SGSM2: variants seen among roughly 807,000 people sequenced by gnomAD.
SGSM2 encodes RUN and TBC1 domain containing 1.
A neutral mutation model predicts 126.6 loss-of-function variants in SGSM2; 89 were observed. The observed-to-expected ratio is 0.70, with a 90% confidence interval of 0.59 to 0.84. The LOEUF is 0.84. SGSM2 is among the 40% of genes least tolerant of loss of function. SGSM2 has a pLI of 0.00. For synonymous variants in SGSM2, 614 were observed against 574.3 expected, an observed-to-expected ratio of 1.07 and a Z score of -0.99; for missense variants, 1,404 against 1,416.6, an observed-to-expected ratio of 0.99 and a Z score of 0.14.
Position 2,379,268 on chromosome 17 carries a change from C to T in SGSM2, c.3067+65C>T, listed in dbSNP as rs757944474. 206 of 1,588,510 alleles carry T rather than the reference C, an allele frequency of 1.3e-4. No individual in the cohort carries two copies. The Middle Eastern group carries it at 1.5e-3, about 12-fold the overall frequency. ...GGTGTGGAGGCCCCCACCTCTGCCC[C>T]GCACACAGCTGGAGGGTTCTCAGGA... On this transcript the variant is annotated intron_variant, in intron 23 of 23. Transcript: ENST00000268989.
At chr17:2,353,060 A>G (rs2064937750) in intron 2 of SGSM2, among the ~76,000 whole-genome samples, 1 of 151,748 alleles carries the variant, frequency 6.6e-6, no homozygotes, top group African/African-American at 2.4e-5. Context: ...TACAGGCGTG[A>G]GCCACCGCGC....
At position 2,364,114 on chromosome 17, in the gene SGSM2, G is replaced by T. The variant is rs755648233; in HGVS notation, c.863G>T (p.Ser288Ile). The T allele has an allele frequency of 8.7e-6, 14 of 1,613,952 alleles. No individual in the cohort carries two copies. The highest frequency in any genetic ancestry group is 1.3e-5 in the African/African-American group (1 of 74,902). The part of the protein sequence containing the change: ...GYLSLHQSAE[S>I]LTLKWTPNQL... ...CTCTCCCTGCACCAGTCTGCAGAGA[G>T]CCTGACTCTGAAGTGGACCCCCAAC... The change falls in exon 8 of 24, where the codon AGC (serine) becomes ATC (isoleucine). Residue 288 changes from serine to isoleucine, a missense_variant. Ser to Ile is a moderately radical substitution (Grantham distance 142). Transcript: ENST00000268989.
intron 2 of SGSM2, among the ~76,000 whole-genome samples, chr17:2,358,509 G>A (rs2065172387): frequency 6.6e-6 from 1 of 152,146 alleles, no homozygotes; most frequent in African/African-American, 2.4e-5. Context: ...AGGCATTGGA[G>A]ACCAGCCTAG....
At position 2,362,066 on chromosome 17, in the gene SGSM2, C is replaced by T. The variant is rs2151561363; in HGVS notation, c.297-43C>T. The T allele has an allele frequency of 6.3e-7, 1 of 1,586,244 alleles. No homozygotes were observed. ...CCCAATGCCAGCATTCTGGGGTTTA[C>T]CCCTAGACCACTGCACTCCTGGAGC... On this transcript the variant is annotated intron_variant, in intron 3 of 23. Transcript: ENST00000268989. This position sits in a 1 kb window ranked among gnomAD's most constrained non-coding sequence, Gnocchi z 4.9.
intron 12 of SGSM2, among the ~76,000 whole-genome samples, chr17:2,369,493 C>T (rs1428280968): frequency 6.6e-6 from 1 of 152,208 alleles, no homozygotes; most frequent in Non-Finnish European, 1.5e-5. Flanking sequence ...ACCCCCCTCC[C>T]CCCGTCCAGC....
intron 1 of SGSM2, among the ~76,000 whole-genome samples, chr17:2,340,134 G>A (rs62066969): frequency 6.7e-6 from 1 of 149,794 alleles, no homozygotes; most frequent in African/African-American, 2.5e-5. Flanking sequence ...TTTTTTTTTG[G>A]AGACGGAGTC....
chr17:2,354,543 T>C (rs1457635454), intron 2 of SGSM2, among the ~76,000 whole-genome samples: 1 of 152,238 alleles, frequency 6.6e-6, no homozygotes, highest in Non-Finnish European at 1.5e-5. Context: ...TTACTTCACC[T>C]GTCCCCTATT....
Position 2,337,577 on chromosome 17 carries a change from AGCGCGGCGGGCGGGGGCTCCGCCTT to A in SGSM2, c.-106_-82del. The A allele has an allele frequency of 3.3e-6, 2 of 614,522 alleles. No individual in the cohort carries two copies. The highest frequency in any genetic ancestry group is 4.2e-6 in the Non-Finnish European group (2 of 470,880). The allele number at this position is 614,522 out of a possible 1,614,324, so 38.1% of individuals were successfully genotyped here. A position where few individuals can be genotyped will look rare whatever the true frequency, so the allele number is the denominator to read the frequency against. On this transcript the variant is annotated 5_prime_UTR_variant, in exon 1 of 24. An upstream open reading frame in the 5' UTR loses its in-frame stop. Transcript: ENST00000268989. The surrounding 1 kb of genome is among the most constrained non-coding windows in gnomAD (Gnocchi z 5.1). ...GCGGCGGCGGCGGCGGCGGGCCGGG[AGCGCGGCGGGCGGGGGCTCCGCCTT>A]GCGCGTGGGGCGCTGAGCCGAGAGG...
Position 2,367,135 on chromosome 17 carries a change from C to G in SGSM2, c.1289-136C>G. 1.0e-6 allele frequency: 1 copy of G among 997,838 alleles called. No homozygotes were observed. The highest frequency in any genetic ancestry group is 1.4e-6 in the Non-Finnish European group (1 of 703,172). The allele number at this position is 997,838 out of a possible 1,614,324, so 61.8% of individuals were successfully genotyped here. On this transcript the variant is annotated intron_variant, in intron 11 of 23. Transcript: ENST00000268989. The surrounding 1 kb of genome is among the most constrained non-coding windows in gnomAD (Gnocchi z 4.0). ...AAATCATCCAAAGAGCTTTCTGGTC[C>G]CCTCCCTTCCCCTCTTCTGTGCCCT...
rs1314817969 is a variant in SGSM2, at chr17:2,367,943, C to T, written c.1423+538C>T. ...TTCCCAGGAGGCCTGAGGGCCCCAG[C>T]CGGCAGGGCCTGGTACTTTGGCATG... On this transcript the variant is annotated intron_variant, in intron 12 of 23. Transcript: ENST00000268989. The surrounding 1 kb of genome is among the most constrained non-coding windows in gnomAD (Gnocchi z 4.0). Among the ~76,000 whole-genome samples the T allele has an allele frequency of 6.6e-6, 1 of 152,192 alleles. No individual in the cohort carries two copies. The highest frequency in any genetic ancestry group is 1.5e-5 in the Non-Finnish European group (1 of 68,018).
Position 2,379,618 on chromosome 17 carries a change from C to G in SGSM2, c.*98C>G. ...AGACCTCCCCAGCCACCAACCGACC[C>G]CACCTCTGTTCCTAACAAAGCGGTT... On this transcript the variant is annotated 3_prime_UTR_variant, in exon 24 of 24. Coordinates refer to ENST00000268989, the MANE Select transcript of SGSM2 (RefSeq NM_014853.3). The G allele has an allele frequency of 6.6e-7, 1 of 1,519,172 alleles. No homozygotes were observed. Among genetic ancestry groups the G allele is most frequent in the South Asian group, 1.2e-5 (1 of 82,106 alleles). 94.1% of individuals were successfully genotyped at this position (1,519,172 alleles called of 1,614,324 possible).
Position 2,343,529 on chromosome 17 carries a change from G to C in SGSM2, c.58-16G>C. On this transcript the variant is annotated splice_polypyrimidine_tract_variant and intron_variant, in intron 1 of 23. Transcript: ENST00000268989. ...GGAAAATAATAAAAGCAGTGATGCT[G>C]TCCATGTGTCCGCAGGTGAAGCAAA... The C allele has an allele frequency of 6.2e-7, 1 of 1,613,532 alleles. No homozygotes were observed. The highest frequency in any genetic ancestry group is 8.5e-7 in the Non-Finnish European group (1 of 1,179,424).
intron 12 of SGSM2, among the ~76,000 whole-genome samples, chr17:2,368,487 T>C (rs1014925246): frequency 1.3e-5 from 2 of 152,048 alleles, no homozygotes; most frequent in African/African-American, 4.8e-5. Flanking sequence ...TATGTCACAC[T>C]CCCCTTAGGC....
At chr17:2,366,408 C>T (rs2151588185) in intron 11 of SGSM2, 1 of 152,310 alleles carries the variant, frequency 6.6e-6, no homozygotes, top group African/African-American at 2.4e-5. Context: ...GCTAACAAGA[C>T]CACCCGCTCC....
In SGSM2 at chr17:2,363,521, C is replaced by A; in HGVS notation, c.729C>A (p.Ala243=). The A allele has an allele frequency of 6.2e-7, 1 of 1,613,458 alleles. No individual in the cohort carries two copies. The highest frequency in any genetic ancestry group is 8.5e-7 in the Non-Finnish European group (1 of 1,179,982). The change falls in exon 7 of 24, where the codon GCC becomes GCA. Residue 243 remains alanine (A), a synonymous_variant. Coordinates refer to ENST00000268989, the MANE Select transcript of SGSM2 (RefSeq NM_014853.3). The surrounding 1 kb of genome is among the most constrained non-coding windows in gnomAD (Gnocchi z 4.2). The part of the protein sequence containing the change: ...SASEDRLAAC[A]RECVESLHQN... ...CGGAGGACAGGCTGGCTGCCTGTGCCCGCGAGTGTGTGGAGTCCCTGCACC... is the reference window on the plus strand; with the variant it reads ...CGGAGGACAGGCTGGCTGCCTGTGCACGCGAGTGTGTGGAGTCCCTGCACC...
At chr17:2,369,324 C>T (rs1385734821) in intron 12 of SGSM2, among the ~76,000 whole-genome samples, 1 of 152,202 alleles carries the variant, frequency 6.6e-6, no homozygotes, top group Non-Finnish European at 1.5e-5. Flanking sequence ...TTTCCTGCTG[C>T]CTCCCCACAG....
intron 22 of SGSM2, 62 bp from the exon 23 acceptor site, chr17:2,378,974 C>A: frequency 6.5e-7 from 1 of 1,547,178 alleles, no homozygotes. Context: ...CAGCCTCAAT[C>A]CCAGCCTCAG....
intron 13 of SGSM2, 134 bp downstream of exon 13, chr17:2,371,549 A>C: frequency 9.2e-7 from 1 of 1,086,380 alleles, no homozygotes; most frequent in Non-Finnish European, 1.3e-6. Context: ...TTCAAATTTC[A>C]CTTTTGCTAC....
In SGSM2 at chr17:2,362,291, A is replaced by G; in HGVS notation, c.458+21A>G. On this transcript the variant is annotated intron_variant, in intron 4 of 23. Transcript: ENST00000268989. This position sits in a 1 kb window ranked among gnomAD's most constrained non-coding sequence, Gnocchi z 4.9. ...TGCAGGTGACCGCCCCGTTCCCCAAAAACTGCAGGTGACCACCCCGTTCCC... is the reference window on the plus strand; with the variant it reads ...TGCAGGTGACCGCCCCGTTCCCCAAGAACTGCAGGTGACCACCCCGTTCCC... 6.3e-7 allele frequency: 1 copy of G among 1,596,748 alleles called. No homozygotes were observed. The highest frequency in any genetic ancestry group is 8.5e-7 in the Non-Finnish European group (1 of 1,171,858).
Sources: gnomAD v4.1 joint callset for allele counts (sites outside exome capture counted in the v4.1 genomes callset) on GRCh38, gnomAD v4.1.1 for gene constraint, Gnocchi (gnomAD v3.1) non-coding constraint, MANE v1.5 for transcripts, NCBI Gene and HGNC (gene_info 2026-07-23, HGNC 2026-07-21) for gene names.